Variants in CPQ observed in about 807,000 individuals in gnomAD.
The protein encoded by CPQ is Ser-Met dipeptidase.
Under a neutral mutation model 45.7 loss-of-function variants are expected in CPQ, and 37 were observed. That is an observed-to-expected ratio of 0.81 (90% CI 0.62 to 1.07). The LOEUF (loss-of-function observed/expected upper bound fraction) is 1.07. Ranked by LOEUF, CPQ falls within the 50% of genes least tolerant of loss-of-function variation. CPQ has a pLI of 0.00. For synonymous variants in CPQ, 186 were observed against 205.8 expected, an observed-to-expected ratio of 0.90 and a Z score of 0.82; for missense variants, 537 against 572.9, an observed-to-expected ratio of 0.94 and a Z score of 0.64.
chr8:96,990,489 T>C lies in CPQ; in HGVS notation c.961+24443T>C, dbSNP rs575167134. Among the ~76,000 whole-genome samples the C allele has an allele frequency of 4.7e-4, 72 of 152,306 alleles. 1 individual carries two copies. In the Middle Eastern group the frequency reaches 0.017, roughly 36 times the overall value. On this transcript the variant is annotated intron_variant, in intron 5 of 7. Coordinates refer to ENST00000220763, the MANE Select transcript of CPQ (RefSeq NM_016134.4). ...TCTTATGTACTGGAAGTTTGAGCTT[T>C]TGGGAGGGTAAAAGAAGGGACAGGG... is the stretch of plus-strand genomic sequence containing the variant.
At chr8:97,114,794 C>G (rs1039039916) in intron 7 of CPQ, among the ~76,000 whole-genome samples, 2 of 152,184 alleles carry the variant, frequency 1.3e-5, no homozygotes, top group Admixed American at 6.5e-5. Flanking sequence ...TTTCCTTTCT[C>G]TGGTTAAACA....
intron 4 of CPQ, among the ~76,000 whole-genome samples, chr8:96,911,576 A>G (rs1032111301): frequency 6.6e-5 from 10 of 152,106 alleles, no homozygotes; most frequent in African/African-American, 2.4e-4. Flanking sequence ...TTTTACTTAC[A>G]TCCTGTTTCT....
At chr8:96,965,771 C>G (rs551778360) in intron 4 of CPQ, among the ~76,000 whole-genome samples, 164 bp from the exon 5 acceptor site, 1 of 152,178 alleles carries the variant, frequency 6.6e-6, no homozygotes, top group African/African-American at 2.4e-5. Context: ...TACAATTCCT[C>G]AATACCAAGT....
At chr8:96,887,854 C>A (rs563946513) in intron 4 of CPQ, among the ~76,000 whole-genome samples, 7 of 151,866 alleles carry the variant, frequency 4.6e-5, no homozygotes, top group African/African-American at 7.3e-5. Flanking sequence ...TTTTAACATG[C>A]CTTTTTCTTA....
intron 5 of CPQ, among the ~76,000 whole-genome samples, chr8:97,016,039 T>C (rs1809573856): frequency 1.3e-5 from 2 of 152,084 alleles, no homozygotes; most frequent in African/African-American, 4.8e-5. Flanking sequence ...TTAAAAAAGA[T>C]ATGTTGCTAT....
rs184112399 is a variant in CPQ at position 96,852,345 on chromosome 8, A to G, written c.641+17165A>G. On this transcript the variant is annotated intron_variant, in intron 3 of 7. Transcript: ENST00000220763. ...GACAACAAATAGACACACACACAAA[A>G]AAAAAGACACTAGGTGAGAGTGAAG... Among the ~76,000 whole-genome samples the G allele has an allele frequency of 2.0e-5, 3 of 152,300 alleles. No homozygotes were observed. In the East Asian group the frequency reaches 5.8e-4, roughly 29 times the overall value.
chr8:97,141,067 T>C (rs941384770), intron 7 of CPQ, among the ~76,000 whole-genome samples: 5 of 152,034 alleles, frequency 3.3e-5, no homozygotes, highest in Admixed American at 6.6e-5. Context: ...AACTTAAAAA[T>C]GAAAATAAAA....
At chr8:97,080,819 A>G (rs939371258) in intron 7 of CPQ, among the ~76,000 whole-genome samples, 44 of 152,214 alleles carry the variant, frequency 2.9e-4, no homozygotes, top group African/African-American at 9.9e-4. Flanking sequence ...TGTGAAATCT[A>G]TTAGTTATGC....
At chr8:96,899,148 G>T (rs1159734601) in intron 4 of CPQ, among the ~76,000 whole-genome samples, 1 of 152,164 alleles carries the variant, frequency 6.6e-6, no homozygotes, top group African/African-American at 2.4e-5. Context: ...GATGGAAAAA[G>T]AAAGGCTCCT....
At chr8:96,839,603 T>G (rs1393035082) in intron 3 of CPQ, among the ~76,000 whole-genome samples, 1 of 152,220 alleles carries the variant, frequency 6.6e-6, no homozygotes, top group Non-Finnish European at 1.5e-5. Context: ...TATCATATTG[T>G]TTAGTACATA....
chr8:96,745,511 A>G (rs1203529556), intron 1 of CPQ, among the ~76,000 whole-genome samples: 1 of 152,214 alleles, frequency 6.6e-6, no homozygotes, highest in East Asian at 1.9e-4. Context: ...TGCCAGGAAA[A>G]TTGCTAAATA....
intron 7 of CPQ, among the ~76,000 whole-genome samples, chr8:97,072,482 T>C (rs1810761896): frequency 6.6e-6 from 1 of 151,770 alleles, no homozygotes; most frequent in Non-Finnish European, 1.5e-5. Context: ...AACAAACAAA[T>C]GAAAACGGTA....
At chr8:96,855,722 A>G (rs1811839172) in intron 3 of CPQ, among the ~76,000 whole-genome samples, 1 of 152,218 alleles carries the variant, frequency 6.6e-6, no homozygotes, top group South Asian at 2.1e-4. Context: ...GTGGGGACAG[A>G]CAGAAACTAA....
chr8:96,937,446 A>G (rs1029759679), intron 4 of CPQ, among the ~76,000 whole-genome samples: 1 of 151,482 alleles, frequency 6.6e-6, no homozygotes, highest in East Asian at 2.0e-4. Flanking sequence ...TAGTCATAGC[A>G]TGGTAGCCAA....
intron 7 of CPQ, among the ~76,000 whole-genome samples, chr8:97,141,796 G>A (rs1472336739): frequency 5.3e-5 from 8 of 152,054 alleles, no homozygotes; most frequent in Admixed American, 5.2e-4. Flanking sequence ...GAAAATACTA[G>A]AGCTATACAC....
At chr8:97,063,414 T>C (rs73268709) in intron 6 of CPQ, among the ~76,000 whole-genome samples, 23,736 of 152,152 alleles carry the variant, frequency 0.16, 4,623 homozygotes, top group African/African-American at 0.46. Context: ...ACTTTTCTCC[T>C]GTTCTGCAGG....
rs142761353 is a variant in CPQ at position 96,927,216 on chromosome 8, A to G, written c.850-38719A>G. On this transcript the variant is annotated intron_variant, in intron 4 of 7. Transcript: ENST00000220763. The stretch of plus-strand genomic sequence containing the variant: ...TCCTTCTGAGTGACTCTAAGTCTCT[A>G]GATGAGGTAGCCCTGAGGAAGCAAG... Among the ~76,000 whole-genome samples, 623 of 152,308 alleles carry G rather than the reference A, an allele frequency of 4.1e-3. 15 individuals are homozygous for G. Among genetic ancestry groups the G allele is most frequent in the Admixed American group, 0.038 (589 of 15,308 alleles).
At chr8:96,758,379 AGG>A (rs1810353762) in intron 1 of CPQ, among the ~76,000 whole-genome samples, 3 of 152,234 alleles carry the variant, frequency 2.0e-5, no homozygotes, top group Non-Finnish European at 4.4e-5. Context: ...CCAGAATGGA[AGG>A]AAGCACCCAT....
chr8:96,656,216 A>G (rs1815635923), intron 1 of CPQ, among the ~76,000 whole-genome samples: 2 of 152,130 alleles, frequency 1.3e-5, no homozygotes, highest in Admixed American at 1.3e-4. Flanking sequence ...TTTACTTCTT[A>G]GTCTAGGCTG....
Sources: allele counts gnomAD v4.1 joint callset (sites outside exome capture counted in the v4.1 genomes callset), GRCh38; gene constraint gnomAD v4.1.1; transcripts MANE v1.5; gene names NCBI Gene and HGNC (gene_info 2026-07-23, HGNC 2026-07-21).